The following ARFGEF1 variants were observed in gnomAD, a reference collection of about 807,000 sequenced individuals.
ARFGEF1 encodes the protein brefeldin A-inhibited guanine nucleotide-exchange protein 1.
ARFGEF1 carries 42 observed loss-of-function variants against 231.0 expected under a neutral mutation model. The observed-to-expected ratio is 0.18, with a 90% CI of 0.14 to 0.24. The LOEUF is 0.24. ARFGEF1 is among the 10% of genes least tolerant of loss of function. The pLI is 1.00. For synonymous variants in ARFGEF1, 710 were observed against 732.3 expected, an observed-to-expected ratio of 0.97 and a Z score of 0.49; for missense variants, 1,345 against 2,192.0, an observed-to-expected ratio of 0.61 and a Z score of 7.72.
chr8:67,328,599 T>A (rs987243893), intron 1 of ARFGEF1, among the ~76,000 whole-genome samples: 3 of 152,222 alleles, frequency 2.0e-5, no homozygotes, highest in African/African-American at 7.2e-5. Context: ...TTTTAGCTTT[T>A]CATTCCTCCT....
At chr8:67,233,630 T>C (rs1839623072) in intron 22 of ARFGEF1, among the ~76,000 whole-genome samples, 1 of 152,064 alleles carries the variant, frequency 6.6e-6, no homozygotes, top group South Asian at 2.1e-4. Flanking sequence ...CAGTCCTAGA[T>C]TACTGAAACC....
At chr8:67,201,390 G>T (rs1393839924) in intron 37 of ARFGEF1, 77 bp downstream of exon 37, 2 of 1,508,510 alleles carry the variant, frequency 1.3e-6, no homozygotes, top group Non-Finnish European at 1.8e-6. Context: ...CTGTCAGCAT[G>T]GTCCCGCCGG....
chr8:67,322,883 C>T (rs983431623), intron 1 of ARFGEF1, among the ~76,000 whole-genome samples: 7 of 152,186 alleles, frequency 4.6e-5, no homozygotes, highest in Non-Finnish European at 7.4e-5. Flanking sequence ...ACAGCAAAGA[C>T]CACATTTTAT....
At chr8:67,289,933 A>C (rs967713193) in intron 6 of ARFGEF1, among the ~76,000 whole-genome samples, 4 of 152,194 alleles carry the variant, frequency 2.6e-5, no homozygotes, top group Admixed American at 2.6e-4. Context: ...AAGTGTACGA[A>C]ATGACTAGTG....
chr8:67,310,847 G>T (rs1806982972), intron 1 of ARFGEF1, among the ~76,000 whole-genome samples: 3 of 151,872 alleles, frequency 2.0e-5, no homozygotes, highest in Non-Finnish European at 2.9e-5. Flanking sequence ...GAAGTGAGGA[G>T]CCCCTCCGCC....
chr8:67,310,089 C>CCCCTCT lies in ARFGEF1; in HGVS notation c.125-7629_125-7624dup, dbSNP rs953592410. Among the ~76,000 whole-genome samples the CCCCTCT allele has an allele frequency of 3.4e-3, 513 of 152,116 alleles. 4 individuals are homozygous for CCCCTCT. The highest frequency in any genetic ancestry group is 0.012 in the African/African-American group (489 of 41,464). On this transcript the variant is annotated intron_variant, in intron 1 of 38. Transcript: ENST00000262215. ...CAAGTTAAGATACACCAGAATCGCT[C>CCCCTCT]CCCTCTCCCTCTCCCTCTCCCTCTC... is the stretch of plus-strand genomic sequence containing the variant.
At chr8:67,214,424 CAAG>C (rs1183584105) in intron 33 of ARFGEF1, among the ~76,000 whole-genome samples, 5 of 152,162 alleles carry the variant, frequency 3.3e-5, no homozygotes, top group Admixed American at 6.5e-5. Flanking sequence ...TAGTACAATG[CAAG>C]AAGAAGATAT....
At chr8:67,266,304 G>A (rs1587168139) in intron 13 of ARFGEF1, 97 bp from the exon 14 acceptor site, 3 of 878,878 alleles carry the variant, frequency 3.4e-6, no homozygotes, top group East Asian at 5.3e-5. Context: ...GCGTTTCAAT[G>A]TTGCTTAGAT....
intron 22 of ARFGEF1, 122 bp from the exon 23 acceptor site, chr8:67,233,067 G>A: frequency 1.2e-6 from 1 of 801,420 alleles, no homozygotes; most frequent in South Asian, 1.8e-5. Context: ...TGCTTCAGGT[G>A]AACAATTCTT....
rs535771122 is a variant in ARFGEF1 at position 67,311,282 on chromosome 8, G to A, written c.125-8816C>T. On this transcript the variant is annotated intron_variant, in intron 1 of 38. Coordinates refer to ENST00000262215, the MANE Select transcript of ARFGEF1 (RefSeq NM_006421.5). ...CCGGCCAGCCGCCCCGTCCGGGAGGGAGGTGGGGGGGGTCAGCCCCCCCGC... is the reference window on the plus strand; with the variant it reads ...CCGGCCAGCCGCCCCGTCCGGGAGGAAGGTGGGGGGGGTCAGCCCCCCCGC... Among the ~76,000 whole-genome samples the A allele has an allele frequency of 2.9e-5, 4 of 136,004 alleles. No homozygotes were observed. In the South Asian group the frequency reaches 7.1e-4, roughly 24 times the overall value. 89.2% of individuals were successfully genotyped at this position (136,004 alleles called of 152,430 possible).
At chr8:67,193,403 C>T (rs1836968813), downstream of ARFGEF1, 24 of 1,490,436 alleles carry the variant, frequency 1.6e-5, no homozygotes, top group South Asian at 2.8e-4. Flanking sequence ...GGCCCTGATT[C>T]ACTGATTTGT....
chr8:67,281,704 C>T (rs1805543475), intron 7 of ARFGEF1, among the ~76,000 whole-genome samples: 1 of 151,842 alleles, frequency 6.6e-6, no homozygotes, highest in African/African-American at 2.4e-5. Flanking sequence ...AAATGAAAAA[C>T]TTTTAGAAAT....
At chr8:67,305,522 T>G (rs1253999571) in intron 1 of ARFGEF1, among the ~76,000 whole-genome samples, 1 of 152,206 alleles carries the variant, frequency 6.6e-6, no homozygotes, top group Non-Finnish European at 1.5e-5. Flanking sequence ...TAATTTTGTA[T>G]TTTTAGTAGA....
chr8:67,196,525 T>C (rs1168898357), downstream of ARFGEF1, among the ~76,000 whole-genome samples: 3 of 152,176 alleles, frequency 2.0e-5, no homozygotes, highest in African/African-American at 7.2e-5. Flanking sequence ...AGGCACTGCT[T>C]CTCTCTCTAA....
At chr8:67,316,183 C>T (rs1456735745) in intron 1 of ARFGEF1, among the ~76,000 whole-genome samples, 2 of 152,016 alleles carry the variant, frequency 1.3e-5, no homozygotes, top group Non-Finnish European at 2.9e-5. Context: ...GATGAATAGA[C>T]CAATTCCTCA....
chr8:67,321,341 C>CA, intron 1 of ARFGEF1, among the ~76,000 whole-genome samples: 1 of 152,160 alleles, frequency 6.6e-6, no homozygotes, highest in East Asian at 1.9e-4. Context: ...ATCCATACTC[C>CA]AACTTAGTGA....
At chr8:67,341,101 C>G (rs1048283995) in intron 1 of ARFGEF1, among the ~76,000 whole-genome samples, 8 of 152,072 alleles carry the variant, frequency 5.3e-5, no homozygotes, top group African/African-American at 1.7e-4. Context: ...AATACTACAA[C>G]GTAACAGAAC....
chr8:67,175,575 G>A (rs1448461413), intron 5 of ARFGEF1: 2 of 964,668 alleles, frequency 2.1e-6, no homozygotes, highest in Admixed American at 2.0e-5. Flanking sequence ...CGTTTGGTCT[G>A]TAGTACCAGA....
intron 10 of ARFGEF1, among the ~76,000 whole-genome samples, chr8:67,271,079 T>G (rs999171858): frequency 2.0e-5 from 3 of 149,656 alleles, no homozygotes; most frequent in Non-Finnish European, 4.4e-5. Flanking sequence ...CTGGTACACT[T>G]GCACAACACA....
Sources: allele counts gnomAD v4.1 joint callset (sites outside exome capture counted in the v4.1 genomes callset), GRCh38; gene constraint gnomAD v4.1.1; transcripts MANE v1.5; gene names NCBI Gene and HGNC (gene_info 2026-07-23, HGNC 2026-07-21).